SPON2: variants seen among roughly 807,000 people sequenced by gnomAD.
SPON2 encodes the protein spondin-2.
Under a neutral mutation model 29.9 loss-of-function variants are expected in SPON2, and 32 were observed. That is an observed-to-expected ratio of 1.07 (90% CI 0.81 to 1.44). The LOEUF (loss-of-function observed/expected upper bound fraction) is 1.44, where lower values mean the gene tolerates loss of function less well. Ranked by LOEUF, SPON2 falls within the 40% of genes most tolerant of loss-of-function variation. The probability of loss-of-function intolerance (pLI) is 0.00; values close to 1 mark genes in which losing one functional copy is unlikely to be tolerated. For missense variants in SPON2, 541 were observed against 455.5 expected, an observed-to-expected ratio of 1.19 and a Z score of -1.71; for synonymous variants, 248 against 209.1, an observed-to-expected ratio of 1.19 and a Z score of -1.61.
At chr4:1,174,951 T>C (rs1727562785), upstream of SPON2, among the ~76,000 whole-genome samples, 1 of 152,216 alleles carries the variant, frequency 6.6e-6, no homozygotes, top group Admixed American at 6.5e-5. Context: ...CATCAGAGCA[T>C]GGGAGCAAAA....
chr4:1,176,806 C>T (rs1212572933), upstream of SPON2, among the ~76,000 whole-genome samples: 13 of 147,598 alleles, frequency 8.8e-5, no homozygotes. Context: ...TACATTCATG[C>T]AATCATCCAC....
upstream of SPON2, among the ~76,000 whole-genome samples, chr4:1,196,069 G>T (rs923295334): frequency 6.6e-6 from 1 of 152,122 alleles, no homozygotes; most frequent in African/African-American, 2.4e-5. Context: ...GGCCAGGACC[G>T]CCCCCTCTGG....
chr4:1,194,808 G>C (rs1256748116), intron 1 of SPON2, among the ~76,000 whole-genome samples: 1 of 152,016 alleles, frequency 6.6e-6, no homozygotes, highest in Non-Finnish European at 1.5e-5. Context: ...GGGCTGCCTG[G>C]CAGAGGCCTC....
At chr4:1,194,122 A>C (rs2108670812) in intron 1 of SPON2, among the ~76,000 whole-genome samples, 1 of 152,176 alleles carries the variant, frequency 6.6e-6, no homozygotes, top group East Asian at 1.9e-4. Context: ...AGCTGCGGCC[A>C]GACTTTGGGC....
chr4:1,203,426 G>T (rs1728265468), intron 1 of SPON2, among the ~76,000 whole-genome samples: 1 of 152,198 alleles, frequency 6.6e-6, no homozygotes, highest in Non-Finnish European at 1.5e-5. Context: ...TTGGAGCATG[G>T]GCCAGAGCTT....
At chr4:1,191,442 C>A (rs1390878841) in intron 1 of SPON2, among the ~76,000 whole-genome samples, 4 of 152,192 alleles carry the variant, frequency 2.6e-5, no homozygotes, top group Non-Finnish European at 4.4e-5. Flanking sequence ...CTACCTCACA[C>A]CATATACAAA....
chr4:1,198,643 A>G (rs1728126112), upstream of SPON2, among the ~76,000 whole-genome samples: 1 of 152,012 alleles, frequency 6.6e-6, no homozygotes, highest in Non-Finnish European at 1.5e-5. Flanking sequence ...TACACAAGAG[A>G]ACAGCAAATA....
intron 1 of SPON2, chr4:1,201,037 G>A: frequency 2.2e-6 from 1 of 455,284 alleles, no homozygotes; most frequent in Non-Finnish European, 4.4e-6. Flanking sequence ...CTGGGCTGAG[G>A]CTTCCTGGCC....
At position 1,167,326 on chromosome 4, in the gene SPON2, A is replaced by C. The variant is rs1727269575; in HGVS notation, c.*146T>G. The C allele has an allele frequency of 2.6e-6, 2 of 771,838 alleles. No individual in the cohort carries two copies. Among genetic ancestry groups the C allele is most frequent in the South Asian group, 4.1e-5 (2 of 48,978 alleles). The allele number at this position is 771,838 out of a possible 1,614,324, so 47.8% of individuals were successfully genotyped here. A position where few individuals can be genotyped will look rare whatever the true frequency, so the allele number is the denominator to read the frequency against. ...CGTGCCGGCCACCAGAGGGCCCTTCAGTGCAGAGATGGTCGGCGCGGCCTC... is the reference window on the plus strand; with the variant it reads ...CGTGCCGGCCACCAGAGGGCCCTTCCGTGCAGAGATGGTCGGCGCGGCCTC... On this transcript the variant is annotated 3_prime_UTR_variant, in exon 6 of 6. Coordinates refer to ENST00000290902, the MANE Select transcript of SPON2 (RefSeq NM_012445.4).
At chr4:1,194,351 C>A (rs1242276408) in intron 1 of SPON2, among the ~76,000 whole-genome samples, 1 of 152,178 alleles carries the variant, frequency 6.6e-6, no homozygotes, top group Non-Finnish European at 1.5e-5. Flanking sequence ...ACTTCAGAGG[C>A]GGTTCAAGGA....
upstream of SPON2, among the ~76,000 whole-genome samples, chr4:1,175,940 G>T (rs552962874): frequency 1.3e-5 from 2 of 152,248 alleles, no homozygotes; most frequent in African/African-American, 4.8e-5. Flanking sequence ...TCCTTTGGTA[G>T]TGGGAGGCCC....
At chr4:1,195,367 G>T (rs1044944795), upstream of SPON2, among the ~76,000 whole-genome samples, 12 of 152,208 alleles carry the variant, frequency 7.9e-5, no homozygotes, top group Non-Finnish European at 1.3e-4. Context: ...CTGGCCCGTC[G>T]GTGGGCGCAT....
At chr4:1,192,675 G>C (rs763261152) in intron 1 of SPON2, among the ~76,000 whole-genome samples, 25 of 152,220 alleles carry the variant, frequency 1.6e-4, no homozygotes, top group Non-Finnish European at 2.9e-4. Flanking sequence ...TCTTAACACA[G>C]AAGCTCGCAG....
At chr4:1,203,198 A>AC (rs1257615273) in intron 1 of SPON2, among the ~76,000 whole-genome samples, 1 of 152,168 alleles carries the variant, frequency 6.6e-6, no homozygotes, top group Non-Finnish European at 1.5e-5. Flanking sequence ...TAAATTACTC[A>AC]GTCTGAGGTG....
At chr4:1,173,382 A>C (rs968227545), upstream of SPON2, among the ~76,000 whole-genome samples, 1 of 152,068 alleles carries the variant, frequency 6.6e-6, no homozygotes, top group Admixed American at 6.5e-5. Flanking sequence ...AGTCAGGAAG[A>C]GCCACAGAAA....
At chr4:1,200,554 G>A (rs1416633931) in intron 1 of SPON2, 4 of 335,652 alleles carry the variant, frequency 1.2e-5, no homozygotes, top group South Asian at 4.8e-5. Flanking sequence ...GGCAGGGAAC[G>A]TGTAAACCAT....
chr4:1,167,885 G>A (rs1243060194), intron 5 of SPON2: 2 of 461,336 alleles, frequency 4.3e-6, no homozygotes, highest in Admixed American at 8.1e-5. Flanking sequence ...CGTAAGAGCC[G>A]GAGCTGCCGC....
intron 1 of SPON2, among the ~76,000 whole-genome samples, chr4:1,187,652 A>G (rs923837496): frequency 3.3e-5 from 5 of 152,158 alleles, no homozygotes; most frequent in African/African-American, 1.2e-4. Context: ...CTGATCTCAG[A>G]TTAATTATAA....
upstream of SPON2, among the ~76,000 whole-genome samples, chr4:1,175,931 C>A (rs1316739467): frequency 1.3e-5 from 2 of 152,124 alleles, no homozygotes; most frequent in South Asian, 2.1e-4. Context: ...GGAGGAACTT[C>A]CTTTGGTAGT....
Sources: gnomAD v4.1 joint callset for allele counts (sites outside exome capture counted in the v4.1 genomes callset) on GRCh38, gnomAD v4.1.1 for gene constraint, MANE v1.5 for transcripts, NCBI Gene and HGNC (gene_info 2026-07-23, HGNC 2026-07-21) for gene names.